MYO5A: variants seen among roughly 807,000 people sequenced by gnomAD.
MYO5A encodes unconventional myosin-Va.
A neutral mutation model predicts 249.7 loss-of-function variants in MYO5A; 98 were observed. The ratio of observed to expected loss-of-function variants is 0.39; its 90% CI spans 0.33 to 0.46. MYO5A has a LOEUF of 0.46. Among genes scored for constraint, MYO5A ranks in the 20% least tolerant of loss-of-function variants. The pLI is 0.98. For synonymous variants in MYO5A, 778 were observed against 810.6 expected, an observed-to-expected ratio of 0.96 and a Z score of 0.68; for missense variants, 1,696 against 2,308.8, an observed-to-expected ratio of 0.73 and a Z score of 5.44.
Position 52,379,633 on chromosome 15 carries a change from G to T in MYO5A, c.2200C>A (p.Leu734Met), listed in dbSNP as rs775294008. ...AGCGAAATCATTCTCACCAGTATCA[G>T]TTTCTCTAACACATTCTTGCATGTT... The part of the protein sequence containing the change: ...KQTCKNVLEK[L>M]ILDKDKYQFG... The change falls in exon 18 of 42, where the codon CTG becomes ATG. Residue 734 changes from leucine (L) to methionine (M), a missense_variant. Leu to Met is a conservative substitution (Grantham distance 15). Transcript: ENST00000399233. 11 of 1,613,158 alleles carry T rather than the reference G, an allele frequency of 6.8e-6. No homozygotes were observed. The highest frequency in any genetic ancestry group is 9.3e-6 in the Non-Finnish European group (11 of 1,179,212).
At chr15:52,459,681 G>T (rs1267221210) in intron 1 of MYO5A, among the ~76,000 whole-genome samples, 1 of 152,248 alleles carries the variant, frequency 6.6e-6, no homozygotes, top group Non-Finnish European at 1.5e-5. Context: ...TGAGCTGTTG[G>T]GTACACCTCC....
chr15:52,472,398 ATTTT>A (rs545504001), intron 1 of MYO5A, among the ~76,000 whole-genome samples: 3 of 150,440 alleles, frequency 2.0e-5, no homozygotes, highest in South Asian at 4.2e-4. Flanking sequence ...CATTTTTTTC[ATTTT>A]TTTTTATTAT....
rs1212776685 is a variant in MYO5A at position 52,528,739 on chromosome 15, G to A, written c.27+41C>T. 3.3e-6 allele frequency: 5 copies of A among 1,493,690 alleles called. No homozygotes were observed. The East Asian group carries it at 1.4e-4, about 42-fold the overall frequency. The allele number at this position is 1,493,690 out of a possible 1,614,324, so 92.5% of individuals were successfully genotyped here. The stretch of plus-strand genomic sequence containing the variant: ...AGCCTGACAGCTGGCGGCGAGGGCC[G>A]CACAGCCCCAGTCCTCGACGCCGGC... On this transcript the variant is annotated intron_variant, in intron 1 of 41. Coordinates refer to ENST00000399233, the MANE Select transcript of MYO5A (RefSeq NM_001382347.1).
intron 1 of MYO5A, among the ~76,000 whole-genome samples, chr15:52,527,114 G>A (rs761622455): frequency 1.3e-5 from 2 of 152,294 alleles, no homozygotes; most frequent in African/African-American, 2.4e-5. Flanking sequence ...GCCCACATGC[G>A]GCCCATGGGC....
At chr15:52,331,691 A>G in intron 34 of MYO5A, 1 of 985,458 alleles carries the variant, frequency 1.0e-6, no homozygotes, top group Non-Finnish European at 1.2e-6. Flanking sequence ...CACAGAGAAC[A>G]TCAGTACCTG....
intron 1 of MYO5A, among the ~76,000 whole-genome samples, chr15:52,490,149 T>C (rs2076906992): frequency 6.6e-6 from 1 of 152,160 alleles, no homozygotes; most frequent in Non-Finnish European, 1.5e-5. Flanking sequence ...TAATGTAAAA[T>C]GGTGCAGCCA....
In MYO5A at chr15:52,327,947, A is replaced by G; in HGVS notation, c.4615T>C (p.Phe1539Leu). 1 of 1,613,674 alleles carries G rather than the reference A, an allele frequency of 6.2e-7. No individual in the cohort carries two copies. Among genetic ancestry groups the G allele is most frequent in the Non-Finnish European group, 8.5e-7 (1 of 1,179,614 alleles). ...TAGTCAGCATGTCGAACACACATGAACAGGATATATGCCGGTAATCCTGGA... is the reference window on the plus strand; with the variant it reads ...TAGTCAGCATGTCGAACACACATGAGCAGGATATATGCCGGTAATCCTGGA... ...LIPGLPAYIL[F>L]MCVRHADYLN... The change falls in exon 36 of 42, where the codon TTC (phenylalanine) becomes CTC (leucine). Residue 1539 changes from phenylalanine to leucine, a missense_variant. Around this residue, in one of 5 missense-constraint regions of MYO5A, gnomAD observed 625 missense variants for 908.1 expected, o/e 0.69. Transcript: ENST00000399233.
intron 1 of MYO5A, among the ~76,000 whole-genome samples, chr15:52,433,507 G>C (rs867890638): frequency 1.4e-5 from 2 of 141,600 alleles, no homozygotes; most frequent in African/African-American, 5.3e-5. Flanking sequence ...AGCAACCTCT[G>C]CCTCCTGGGT....
chr15:52,428,161 G>GA (rs2075439085), intron 3 of MYO5A, among the ~76,000 whole-genome samples: 1 of 152,142 alleles, frequency 6.6e-6, no homozygotes, highest in African/African-American at 2.4e-5. Context: ...TCTGTAAGGG[G>GA]AAAAAAATTC....
At chr15:52,436,643 A>C (rs569080663) in intron 1 of MYO5A, among the ~76,000 whole-genome samples, 3 of 152,348 alleles carry the variant, frequency 2.0e-5, no homozygotes, top group East Asian at 1.9e-4. Flanking sequence ...TTAGAACATA[A>C]GTTCTGTGTC....
At chr15:52,516,411 T>C (rs185535548) in intron 1 of MYO5A, among the ~76,000 whole-genome samples, 36 of 152,252 alleles carry the variant, frequency 2.4e-4, no homozygotes, top group Admixed American at 2.4e-3. Context: ...GTAACAACTA[T>C]ATAAGGTTAA....
chr15:52,443,382 T>TA (rs2075822655), intron 1 of MYO5A, among the ~76,000 whole-genome samples: 1 of 152,218 alleles, frequency 6.6e-6, no homozygotes, highest in African/African-American at 2.4e-5. Flanking sequence ...AGGGTTGACT[T>TA]AAAATTTTTA....
At chr15:52,352,644 G>T (rs557660714) in intron 27 of MYO5A, among the ~76,000 whole-genome samples, 2 of 152,024 alleles carry the variant, frequency 1.3e-5, no homozygotes, top group East Asian at 1.9e-4. Context: ...TCAGCCGGGC[G>T]TGGTGGCGGG....
At position 52,425,957 on chromosome 15, in the gene MYO5A, T is replaced by C. The variant is rs1280213902; in HGVS notation, c.328A>G (p.Ile110Val). The change falls in exon 4 of 42, where the codon ATA becomes GTA. Residue 110 changes from isoleucine (I) to valine (V), a missense_variant. Coordinates refer to ENST00000399233, the MANE Select transcript of MYO5A (RefSeq NM_001382347.1). Reference protein sequence around the residue: ...YTYCGIVLVAINPYEQLPIYG... With the variant: ...YTYCGIVLVAVNPYEQLPIYG... ...ATAGGCAGCTGTTCATAGGGATTTA[T>C]AGCTACTAGGACTATACCTGGGAAT... 1.9e-6 allele frequency: 3 copies of C among 1,612,970 alleles called. No individual in the cohort carries two copies. The highest frequency in any genetic ancestry group is 1.3e-5 in the African/African-American group (1 of 75,004).
At chr15:52,345,273 A>G (rs2039561496) in intron 30 of MYO5A, among the ~76,000 whole-genome samples, 1 of 152,184 alleles carries the variant, frequency 6.6e-6, no homozygotes, top group African/African-American at 2.4e-5. Context: ...TAACTGTTAC[A>G]CTGTATTGTT....
chr15:52,498,037 A>C (rs2077077653), intron 1 of MYO5A, among the ~76,000 whole-genome samples: 1 of 152,160 alleles, frequency 6.6e-6, no homozygotes, highest in South Asian at 2.1e-4. Flanking sequence ...TCATTCCAAG[A>C]AGCTACAAAA....
intron 9 of MYO5A, among the ~76,000 whole-genome samples, chr15:52,398,715 G>C (rs375906524): frequency 6.6e-6 from 1 of 152,224 alleles, no homozygotes; most frequent in East Asian, 1.9e-4. Flanking sequence ...CAGGCTGGGC[G>C]TGGTGGCTCA....
chr15:52,314,662 C>G (rs2037907158), intron 40 of MYO5A, among the ~76,000 whole-genome samples: 1 of 152,094 alleles, frequency 6.6e-6, no homozygotes, highest in Non-Finnish European at 1.5e-5. Flanking sequence ...ATACAATTAT[C>G]TCTTTTGAAT....
intron 1 of MYO5A, among the ~76,000 whole-genome samples, chr15:52,524,459 T>G (rs1480323910): frequency 6.6e-6 from 1 of 151,546 alleles, no homozygotes; most frequent in East Asian, 1.9e-4. Flanking sequence ...GAAGGTGAGG[T>G]GGGAGGATGG....
Sources: allele counts gnomAD v4.1 joint callset (sites outside exome capture counted in the v4.1 genomes callset), GRCh38; gene constraint gnomAD v4.1.1; regional missense constraint gnomAD v4.1.1; transcripts MANE v1.5; gene names NCBI Gene and HGNC (gene_info 2026-07-23, HGNC 2026-07-21).